TRAPPC14: variants seen among roughly 807,000 people sequenced by gnomAD.
TRAPPC14 encodes trafficking protein particle complex subunit 14.
In TRAPPC14, 24 loss-of-function variants were observed where a neutral mutation model predicts 56.6. The ratio of observed to expected loss-of-function variants is 0.42; its 90% CI spans 0.31 to 0.60. The LOEUF is 0.60. Among genes scored for constraint, TRAPPC14 ranks in the 20% least tolerant of loss-of-function variants. The pLI, the probability that TRAPPC14 is intolerant of heterozygous loss-of-function variation, is 0.14. For missense variants in TRAPPC14, 615 were observed against 790.3 expected (o/e 0.78, Z 2.66); for synonymous variants, 377 against 347.0 (o/e 1.09, Z -0.96).
In TRAPPC14 at chr7:100,155,277, C is replaced by T. The variant is rs997155016; in HGVS notation, c.1574G>A (p.Arg525Gln). Residue 525 changes from arginine to glutamine, a missense_variant, in exon 10 of 11, where the codon CGA becomes CAA. Transcript: ENST00000316937. ...GGTTCTGTACCTCATGAGGTGGCTT[C>T]GGGAAGGCTGCTGGTGGGAGAAGGA... ...SQSFSHQQPS[R>Q]SHLMRSGSVM... 8.3e-6 allele frequency: 13 copies of T among 1,566,900 alleles called. No individual in the cohort carries two copies. Among genetic ancestry groups the T allele is most frequent in the Non-Finnish European group, 1.1e-5 (13 of 1,156,404 alleles).
Position 100,158,075 on chromosome 7 carries a change from C to T in TRAPPC14, c.411+14G>A. Reference sequence around the variant, plus strand: ...GCCCCTCCGTCCTGTGCCAGGTCCCCCAAAGCTCCTCACCGTGGTCGCTCC... The same window carrying T: ...GCCCCTCCGTCCTGTGCCAGGTCCCTCAAAGCTCCTCACCGTGGTCGCTCC... On this transcript the variant is annotated intron_variant, in intron 1 of 10. Coordinates refer to ENST00000316937, the MANE Select transcript of TRAPPC14 (RefSeq NM_018275.5). 1 of 1,459,318 alleles carries T rather than the reference C, an allele frequency of 6.9e-7. No homozygotes were observed. The highest frequency in any genetic ancestry group is 2.5e-5 in the East Asian group (1 of 39,704). The allele number at this position is 1,459,318 out of a possible 1,614,324, so 90.4% of individuals were successfully genotyped here. A position where few individuals can be genotyped will look rare whatever the true frequency, so the allele number is the denominator to read the frequency against.
chr7:100,157,718 G>A lies in TRAPPC14; in HGVS notation c.552C>T (p.Val184=). Reference sequence around the variant, plus strand: ...GCAATCGCAGGTAGCCTTGATCTCTGACCTCTGGTGCCTCAATCTCCCGCT... The same window carrying A: ...GCAATCGCAGGTAGCCTTGATCTCTAACCTCTGGTGCCTCAATCTCCCGCT... ...VWKREIEAPE[V]RDQGYLRLLQ... The change falls in exon 3 of 11, where the codon GTC becomes GTT. Residue 184 remains valine (V), a synonymous_variant. Coordinates refer to ENST00000316937, the MANE Select transcript of TRAPPC14 (RefSeq NM_018275.5). The A allele has an allele frequency of 1.9e-6, 3 of 1,614,222 alleles. No homozygotes were observed. Among genetic ancestry groups the A allele is most frequent in the Non-Finnish European group, 2.5e-6 (3 of 1,180,036 alleles).
At position 100,157,720 on chromosome 7, in the gene TRAPPC14, C is replaced by A; in HGVS notation, c.550G>T (p.Val184Phe). ...AATCGCAGGTAGCCTTGATCTCTGA[C>A]CTCTGGTGCCTCAATCTCCCGCTTC... is the stretch of plus-strand genomic sequence containing the variant. The part of the protein sequence containing the change: ...VWKREIEAPE[V>F]RDQGYLRLLQ... The change falls in exon 3 of 11, where the codon GTC (valine) becomes TTC (phenylalanine). Residue 184 changes from valine (V) to phenylalanine (F), a missense_variant. Val to Phe is a conservative substitution (Grantham distance 50). Transcript: ENST00000316937. 2 of 1,614,222 alleles carry A rather than the reference C, an allele frequency of 1.2e-6. No homozygotes were observed. Among genetic ancestry groups the A allele is most frequent in the Non-Finnish European group, 1.7e-6 (2 of 1,180,042 alleles).
In TRAPPC14 at chr7:100,154,684, G is replaced by A. The variant is rs573867002; in HGVS notation, c.*327C>T. 4.9e-5 allele frequency: 18 copies of A among 369,556 alleles called. No homozygotes were observed. Among genetic ancestry groups the A allele is most frequent in the South Asian group, 8.0e-5 (3 of 37,420 alleles). 22.9% of individuals were successfully genotyped at this position (369,556 alleles called of 1,614,324 possible). ...TGTCAGAGGTGGGAAAGAACTCAAC[G>A]GGAATGAGGAAGAGACTTTGTAAAC... On this transcript the variant is annotated 3_prime_UTR_variant, in exon 11 of 11. Transcript: ENST00000316937.
In TRAPPC14 at chr7:100,156,929, G is replaced by A. The variant is rs1245701462; in HGVS notation, c.909C>T (p.Phe303=). 1 of 1,613,974 alleles carries A rather than the reference G, an allele frequency of 6.2e-7. No homozygotes were observed. Among genetic ancestry groups the A allele is most frequent in the Non-Finnish European group, 8.5e-7 (1 of 1,180,036 alleles). ...FCRLPGTSGC[F]PCPLNALEEH... ...CCTCCAGGGCATTCAGCGGGCAGGG[G>A]AAGCAGCCAGAGGTCCCGGGTAGGC... The change falls in exon 6 of 11, where the codon TTC becomes TTT. Residue 303 remains phenylalanine, a synonymous_variant. Coordinates refer to ENST00000316937, the MANE Select transcript of TRAPPC14 (RefSeq NM_018275.5).
intron 8 of TRAPPC14, 130 bp from the exon 9 acceptor site, chr7:100,155,955 C>T (rs1335930403): frequency 8.2e-7 from 1 of 1,224,232 alleles, no homozygotes; most frequent in African/African-American, 1.5e-5. Flanking sequence ...ATCTTTTGTG[C>T]ATGTTGTAGA....
intron 2 of TRAPPC14, 39 bp from the exon 3 acceptor site, chr7:100,157,801 G>C: frequency 6.8e-6 from 11 of 1,614,142 alleles, no homozygotes; most frequent in Non-Finnish European, 9.3e-6. Context: ...CCCGGAAAAG[G>C]TGTCTGAATT....
chr7:100,158,378 C>T lies in TRAPPC14; in HGVS notation c.122G>A (p.Gly41Glu). ...CACCAGCAGAAAACGGACAGTCTCC[C>T]CCAAGTACAGATGGTTGCGCCGGGG... ...ALPRRNHLYLGETVRFLLVLR... is the reference protein window; with the variant it reads ...ALPRRNHLYLEETVRFLLVLR... Residue 41 changes from glycine to glutamate, a missense_variant, in exon 1 of 11, where the codon GGG becomes GAG. Coordinates refer to ENST00000316937, the MANE Select transcript of TRAPPC14 (RefSeq NM_018275.5). The T allele has an allele frequency of 6.7e-7, 1 of 1,487,110 alleles. No individual in the cohort carries two copies. The highest frequency in any genetic ancestry group is 2.4e-5 in the Admixed American group (1 of 42,396). The allele number at this position is 1,487,110 out of a possible 1,614,324, so 92.1% of individuals were successfully genotyped here.
chr7:100,155,947 C>G (rs1427505742), intron 8 of TRAPPC14, 122 bp from the exon 9 acceptor site: 1 of 1,282,224 alleles, frequency 7.8e-7, no homozygotes, highest in Non-Finnish European at 1.1e-6. Flanking sequence ...CAAACGTTAT[C>G]TTTTGTGCAT....
chr7:100,157,510 C>T (rs1413766397), intron 3 of TRAPPC14, 51 bp from the exon 4 acceptor site: 1 of 1,606,548 alleles, frequency 6.2e-7, no homozygotes, highest in Admixed American at 1.7e-5. Flanking sequence ...CTGACCTCAC[C>T]TCCAACCCAG....
rs1459348885 is a variant in TRAPPC14, at chr7:100,157,439, G to A, written c.658C>T (p.Leu220=). ...CGGCATCTCAGAACCGGAGGGGGCA[G>A]CAGAGTCAGCAGCGTGCTCACTGCG... is the stretch of plus-strand genomic sequence containing the variant. ...KAQVSTLLTL[L]PPPVLRCRQF... The change falls in exon 4 of 11, where the codon CTG becomes TTG. Residue 220 remains leucine (L), a synonymous_variant. Transcript: ENST00000316937. 2 of 1,613,598 alleles carry A rather than the reference G, an allele frequency of 1.2e-6. No individual in the cohort carries two copies. Among genetic ancestry groups the A allele is most frequent in the South Asian group, 1.1e-5 (1 of 91,056 alleles).
At chr7:100,157,059 A>G in intron 5 of TRAPPC14, 35 bp downstream of exon 5, 1 of 1,613,764 alleles carries the variant, frequency 6.2e-7, no homozygotes, top group South Asian at 1.1e-5. Flanking sequence ...AGCCATCCCC[A>G]CCACTTCACA....
chr7:100,157,049 A>C, intron 5 of TRAPPC14, 45 bp downstream of exon 5: 1 of 1,613,974 alleles, frequency 6.2e-7, no homozygotes, highest in Non-Finnish European at 8.5e-7. Flanking sequence ...CAGCCCCTGA[A>C]GCCATCCCCA....
At position 100,158,108 on chromosome 7, in the gene TRAPPC14, G is replaced by A. The variant is rs1197056948; in HGVS notation, c.392C>T (p.Thr131Ile). ...PLLTHGPGPA[T>I]SGGATTLPVE... is the part of the protein sequence containing the mutation. ...CCTCACCGTGGTCGCTCCCCCTGAG[G>A]TAGCAGGGCCCGGGCCGTGGGTGAG... The change falls in exon 1 of 11, where the codon ACC (threonine) becomes ATC (isoleucine). Residue 131 changes from threonine to isoleucine, a missense_variant. Coordinates refer to ENST00000316937, the MANE Select transcript of TRAPPC14 (RefSeq NM_018275.5). 3 of 1,499,198 alleles carry A rather than the reference G, an allele frequency of 2.0e-6. No individual in the cohort carries two copies. The highest frequency in any genetic ancestry group is 1.8e-6 in the Non-Finnish European group (2 of 1,127,474). The allele number at this position is 1,499,198 out of a possible 1,614,324, so 92.9% of individuals were successfully genotyped here.
At chr7:100,157,240 A>C (rs768236751) in intron 4 of TRAPPC14, 26 bp from the exon 5 acceptor site, 34 of 1,614,112 alleles carry the variant, frequency 2.1e-5, no homozygotes, top group Non-Finnish European at 2.8e-5. Context: ...AGCTTGGCTC[A>C]GAATAGCTGG....
Position 100,157,449 on chromosome 7 carries a change from C to T in TRAPPC14, c.648G>A (p.Leu216=), listed in dbSNP as rs1562952809. The change falls in exon 4 of 11, where the codon CTG becomes CTA. Residue 216 remains leucine (L), a synonymous_variant. Transcript: ENST00000316937. ...QSAFKAQVST[L]LTLLPPPVLR... is the part of the protein sequence containing the mutation. ...GAACCGGAGGGGGCAGCAGAGTCAG[C>T]AGCGTGCTCACTGCGGGAGGGGGTG... The T allele has an allele frequency of 6.2e-7, 1 of 1,613,360 alleles. No homozygotes were observed. The highest frequency in any genetic ancestry group is 1.3e-5 in the African/African-American group (1 of 75,038).
chr7:100,154,549 C>T lies in TRAPPC14; in HGVS notation c.*462G>A. 5.0e-6 allele frequency: 1 copy of T among 200,258 alleles called. No homozygotes were observed. Among genetic ancestry groups the T allele is most frequent in the Non-Finnish European group, 1.0e-5 (1 of 97,086 alleles). 12.4% of individuals were successfully genotyped at this position (200,258 alleles called of 1,614,324 possible). On this transcript the variant is annotated 3_prime_UTR_variant, in exon 11 of 11. Coordinates refer to ENST00000316937, the MANE Select transcript of TRAPPC14 (RefSeq NM_018275.5). ...AGGCTGCAAACGTAAACATAAGGGG[C>T]AGGAGGCTACCTGGCCCTGTCCCCA...
chr7:100,157,711 G>T lies in TRAPPC14; in HGVS notation c.559C>A (p.Gln187Lys). ...GTCTGCAGCAATCGCAGGTAGCCTT[G>T]ATCTCTGACCTCTGGTGCCTCAATC... is the stretch of plus-strand genomic sequence containing the variant. ...REIEAPEVRD[Q>K]GYLRLLQTRS... The change falls in exon 3 of 11, where the codon CAA (glutamine) becomes AAA (lysine). Residue 187 changes from glutamine to lysine, a missense_variant. By Grantham distance (53) the Gln-to-Lys change is moderately conservative (BLOSUM62 1). Coordinates refer to ENST00000316937, the MANE Select transcript of TRAPPC14 (RefSeq NM_018275.5). The T allele has an allele frequency of 6.2e-7, 1 of 1,614,200 alleles. No homozygotes were observed. The highest frequency in any genetic ancestry group is 8.5e-7 in the Non-Finnish European group (1 of 1,180,038).
In TRAPPC14 at chr7:100,157,466, G is replaced by C. The variant is rs765323996; in HGVS notation, c.638-7C>G. The C allele has an allele frequency of 6.2e-7, 1 of 1,611,602 alleles. No individual in the cohort carries two copies. Among genetic ancestry groups the C allele is most frequent in the Admixed American group, 1.7e-5 (1 of 60,026 alleles). ...AGAGTCAGCAGCGTGCTCACTGCGG[G>C]AGGGGGTGGGGGCAAGAAGTGATGG... On this transcript the variant is annotated splice_polypyrimidine_tract_variant and splice_region_variant and intron_variant, in intron 3 of 10. Coordinates refer to ENST00000316937, the MANE Select transcript of TRAPPC14 (RefSeq NM_018275.5).
Sources: gnomAD v4.1 joint callset for allele counts on GRCh38, gnomAD v4.1.1 for gene constraint, MANE v1.5 for transcripts, NCBI Gene and HGNC (gene_info 2026-07-23, HGNC 2026-07-21) for gene names.